The following ANKRD17 variants were observed in gnomAD, a reference collection of about 807,000 sequenced individuals.
The protein encoded by ANKRD17 is ankyrin repeat domain-containing protein 17.
A neutral mutation model predicts 229.7 loss-of-function variants in ANKRD17; 19 were observed. The observed-to-expected ratio is 0.08, with a 90% confidence interval of 0.06 to 0.12. The LOEUF (loss-of-function observed/expected upper bound fraction) is 0.12, where lower values mean the gene tolerates loss of function less well. Ranked by LOEUF, ANKRD17 falls within the 10% of genes least tolerant of loss-of-function variation. The pLI, the probability that ANKRD17 is intolerant of heterozygous loss-of-function variation, is 1.00. For synonymous variants in ANKRD17, 1,112 were observed against 1,146.1 expected (o/e 0.97, Z 0.60); for missense variants, 2,176 against 3,176.8 (o/e 0.68, Z 7.57).
At chr4:73,243,808 A>C (rs772500090) in intron 1 of ANKRD17, among the ~76,000 whole-genome samples, 1 of 152,220 alleles carries the variant, frequency 6.6e-6, no homozygotes, top group Non-Finnish European at 1.5e-5. Flanking sequence ...AATGGGATAT[A>C]ATGGAAAATG....
intron 1 of ANKRD17, among the ~76,000 whole-genome samples, chr4:73,210,688 A>C (rs1321451265): frequency 3.9e-5 from 6 of 152,180 alleles, no homozygotes; most frequent in Non-Finnish European, 8.8e-5. Context: ...CTGTATAAAC[A>C]ATGTGAAGGG....
chr4:73,118,090 C>T (rs1257392983), intron 22 of ANKRD17, among the ~76,000 whole-genome samples: 1 of 152,004 alleles, frequency 6.6e-6, no homozygotes, highest in Non-Finnish European at 1.5e-5. Context: ...AATCTCAGCT[C>T]ACTGCAACCT....
intron 2 of ANKRD17, among the ~76,000 whole-genome samples, chr4:73,164,795 GAA>G (rs775487196): frequency 2.6e-5 from 3 of 113,738 alleles, no homozygotes; most frequent in Admixed American, 1.7e-4. Flanking sequence ...CTCTCCAAAG[GAA>G]AAAAAAAAAA....
At chr4:73,236,251 G>A (rs979932455) in intron 1 of ANKRD17, among the ~76,000 whole-genome samples, 1 of 152,046 alleles carries the variant, frequency 6.6e-6, no homozygotes, top group Non-Finnish European at 1.5e-5. Flanking sequence ...AAATTCCTGG[G>A]CTTAAGCAAT....
chr4:73,141,950 G>C, intron 13 of ANKRD17, 107 bp from the exon 14 acceptor site: 1 of 952,886 alleles, frequency 1.0e-6, no homozygotes, highest in Non-Finnish European at 1.5e-6. Context: ...TTTTTAATAT[G>C]TCATCTTAGA....
intron 1 of ANKRD17, among the ~76,000 whole-genome samples, chr4:73,191,341 A>ATGTATGTGTG (rs1553933229): frequency 8.0e-6 from 1 of 125,286 alleles, no homozygotes; most frequent in Non-Finnish European, 1.6e-5. Context: ...AAAAATATAT[A>ATGTATGTGTG]TGTGTGTGTG....
In ANKRD17 at chr4:73,227,124, G is replaced by T. The variant is rs149353812; in HGVS notation, c.393+31152C>A. Among the ~76,000 whole-genome samples, 607 of 152,146 alleles carry T rather than the reference G, an allele frequency of 4.0e-3. 4 individuals are homozygous for T. Among genetic ancestry groups the T allele is most frequent in the African/African-American group, 0.014 (584 of 41,518 alleles). ...ATTTATACATATTTGTCTAAAACCT[G>T]TCATCCTAAAAACAAGCCACCTTCC... On this transcript the variant is annotated intron_variant, in intron 1 of 33. Transcript: ENST00000358602.
chr4:73,092,339 T>C, intron 28 of ANKRD17, 39 bp from the exon 29 acceptor site: 1 of 1,517,766 alleles, frequency 6.6e-7, no homozygotes, highest in Non-Finnish European at 8.9e-7. Context: ...GAATTTTCCC[T>C]ACTTTTGAGT....
At position 73,149,782 on chromosome 4, in the gene ANKRD17, T is replaced by C. The variant is rs1578196603; in HGVS notation, c.1330-732A>G. On this transcript the variant is annotated intron_variant, in intron 7 of 33. Transcript: ENST00000358602. ...CAAGAGGCTGAGGAGGGAGGATCAT[T>C]TGAGCTCAGGAAGTTGAGGCTATAG... Among the ~76,000 whole-genome samples the C allele has an allele frequency of 2.0e-5, 3 of 152,066 alleles. No individual in the cohort carries two copies. In the East Asian group the frequency reaches 5.8e-4, roughly 29 times the overall value.
At chr4:73,220,288 T>C (rs1741676259) in intron 1 of ANKRD17, among the ~76,000 whole-genome samples, 1 of 152,120 alleles carries the variant, frequency 6.6e-6, no homozygotes, top group African/African-American at 2.4e-5. Context: ...TTCCTGAGTA[T>C]TAGTTCCTTT....
At chr4:73,255,456 CTTTTT>C (rs940638640) in intron 1 of ANKRD17, among the ~76,000 whole-genome samples, 2 of 151,932 alleles carry the variant, frequency 1.3e-5, no homozygotes, top group Non-Finnish European at 2.9e-5. Flanking sequence ...ATTTTATCTA[CTTTTT>C]TTTATTGTGT....
At chr4:73,106,104 T>C (rs1181732455) in intron 24 of ANKRD17, among the ~76,000 whole-genome samples, 2 of 152,100 alleles carry the variant, frequency 1.3e-5, no homozygotes. Context: ...TTTGTTAGTG[T>C]GTGTGGGGGA....
chr4:73,170,484 GA>G (rs1733838070), intron 2 of ANKRD17, among the ~76,000 whole-genome samples: 1 of 150,694 alleles, frequency 6.6e-6, no homozygotes, highest in Non-Finnish European at 1.5e-5. Context: ...CTTCATGTGA[GA>G]ACCAGCACAT....
intron 29 of ANKRD17, among the ~76,000 whole-genome samples, chr4:73,090,028 T>A (rs1722633225): frequency 6.6e-6 from 1 of 152,224 alleles, no homozygotes. Context: ...CCCAATTTTT[T>A]AAATCTGTTA....
At chr4:73,200,614 TTATA>T (rs1738539085) in intron 1 of ANKRD17, among the ~76,000 whole-genome samples, 2 of 152,276 alleles carry the variant, frequency 1.3e-5, no homozygotes, top group South Asian at 2.1e-4. Context: ...AAGTAGTTTA[TTATA>T]TAAAGATTAT....
At chr4:73,086,919 A>ATATAT (rs1553911001) in intron 29 of ANKRD17, among the ~76,000 whole-genome samples, 13 of 12,454 alleles carry the variant, frequency 1.0e-3, no homozygotes, top group Non-Finnish European at 1.8e-3. Flanking sequence ...AAAAAAAAAA[A>ATATAT]ATATATATAT....
intron 18 of ANKRD17, 35 bp downstream of exon 18, chr4:73,124,878 G>C: frequency 6.2e-7 from 1 of 1,600,876 alleles, no homozygotes; most frequent in Non-Finnish European, 8.5e-7. Flanking sequence ...GCTAAACAGA[G>C]AAAGGAAAAC....
chr4:73,170,847 T>C (rs1333341941), intron 2 of ANKRD17, among the ~76,000 whole-genome samples: 1 of 152,058 alleles, frequency 6.6e-6, no homozygotes, highest in East Asian at 1.9e-4. Flanking sequence ...CCAGCAAAGA[T>C]ACAGTACAAT....
intron 25 of ANKRD17, 53 bp downstream of exon 25, chr4:73,102,323 T>A (rs1321665505): frequency 1.5e-5 from 22 of 1,517,168 alleles, no homozygotes; most frequent in Non-Finnish European, 1.6e-5. Flanking sequence ...ATCAAGTAAA[T>A]ATAATTTTAA....
Sources: allele counts gnomAD v4.1 joint callset (sites outside exome capture counted in the v4.1 genomes callset), GRCh38; gene constraint gnomAD v4.1.1; transcripts MANE v1.5; gene names NCBI Gene and HGNC (gene_info 2026-07-23, HGNC 2026-07-21).